The following PACSIN1 variants were observed in gnomAD, a reference collection of about 807,000 sequenced individuals.
PACSIN1 encodes the protein protein kinase C and casein kinase substrate in neurons 1, also known as protein kinase C and casein kinase substrate in neurons protein 1.
In PACSIN1, 15 loss-of-function variants were observed where a neutral mutation model predicts 59.5. The ratio of observed to expected loss-of-function variants is 0.25; its 90% CI spans 0.17 to 0.39. The LOEUF (loss-of-function observed/expected upper bound fraction) is 0.39. Among genes scored for constraint, PACSIN1 ranks in the 10% least tolerant of loss-of-function variants. The pLI, the probability that PACSIN1 is intolerant of heterozygous loss-of-function variation, is 1.00. For synonymous variants in PACSIN1, 210 were observed against 220.6 expected (o/e 0.95, Z 0.42); for missense variants, 420 against 580.2 (o/e 0.72, Z 2.84).
chr6:34,482,560 T>C (rs1190225169), intron 1 of PACSIN1, among the ~76,000 whole-genome samples: 1 of 152,262 alleles, frequency 6.6e-6, no homozygotes, highest in East Asian at 1.9e-4. Context: ...TGGGTTTTTA[T>C]GAATAATACT....
chr6:34,526,451 A>C, intron 2 of PACSIN1, 83 bp downstream of exon 2: 1 of 1,151,798 alleles, frequency 8.7e-7, no homozygotes, highest in Non-Finnish European at 1.3e-6. Flanking sequence ...TCACCCCATG[A>C]CCTCAGGCCC....
intron 1 of PACSIN1, among the ~76,000 whole-genome samples, chr6:34,468,866 G>T (rs1051584746): frequency 1.4e-5 from 2 of 147,746 alleles, no homozygotes; most frequent in African/African-American, 2.5e-5. Flanking sequence ...CCATGGCCTG[G>T]CACAGAGTAG....
chr6:34,530,552 G>T lies in PACSIN1; in HGVS notation c.1002G>T (p.Ala334=). Residue 334 remains alanine (A), a synonymous_variant, in exon 8 of 10, where the codon GCG becomes GCT. Coordinates refer to ENST00000244458, the MANE Select transcript of PACSIN1 (RefSeq NM_020804.5). The surrounding 1 kb of genome is among the most constrained non-coding windows in gnomAD (Gnocchi z 4.4). The part of the protein sequence containing the change: ...EGVALTNATG[A]VESTSQAGDR... ...TGGCGCTGACCAATGCCACTGGGGC[G>T]GTAGAGTCCACATCCCAGGCTGGGG... The T allele has an allele frequency of 6.2e-7, 1 of 1,602,830 alleles. No homozygotes were observed. Among genetic ancestry groups the T allele is most frequent in the Non-Finnish European group, 8.5e-7 (1 of 1,174,668 alleles).
intron 1 of PACSIN1, among the ~76,000 whole-genome samples, chr6:34,494,484 C>T (rs902696897): frequency 4.6e-5 from 7 of 152,050 alleles, no homozygotes; most frequent in African/African-American, 1.7e-4. Flanking sequence ...GCTGTGTTGC[C>T]CAGGCCTGAG....
At chr6:34,508,565 C>T (rs1359092299) in intron 1 of PACSIN1, among the ~76,000 whole-genome samples, 1 of 152,124 alleles carries the variant, frequency 6.6e-6, no homozygotes, top group African/African-American at 2.4e-5. Flanking sequence ...CTGTGCCCAG[C>T]CTATTTTTAA....
In PACSIN1 at chr6:34,515,444, G is replaced by A. The variant is rs1168828571; in HGVS notation, c.-63-10799G>A. ...AGGGTATGCGGCAGAGGGCAGGGAG[G>A]AGTAAGGATGCCCCTGCCCCACTCA... On this transcript the variant is annotated intron_variant, in intron 1 of 9. Coordinates refer to ENST00000244458, the MANE Select transcript of PACSIN1 (RefSeq NM_020804.5). The surrounding 1 kb of genome is among the most constrained non-coding windows in gnomAD (Gnocchi z 4.4). 3.9e-5 allele frequency among the ~76,000 whole-genome samples: 6 copies of A among 152,292 alleles called. No individual in the cohort carries two copies. The highest frequency in any genetic ancestry group is 1.2e-4 in the African/African-American group (5 of 41,562).
At chr6:34,527,700 C>G (rs933925998) in intron 3 of PACSIN1, 4 of 390,134 alleles carry the variant, frequency 1.0e-5, no homozygotes, top group Non-Finnish European at 1.8e-5. Flanking sequence ...AAAAAAAACA[C>G]TTTTTATCTT....
intron 1 of PACSIN1, among the ~76,000 whole-genome samples, chr6:34,501,872 T>G (rs552266945): frequency 1.3e-5 from 2 of 151,520 alleles, no homozygotes; most frequent in East Asian, 3.9e-4. Flanking sequence ...CTACTAAAAA[T>G]ACAAAAAAAA....
intron 1 of PACSIN1, 133 bp from the exon 2 acceptor site, chr6:34,526,110 T>G: frequency 5.2e-6 from 3 of 578,746 alleles, no homozygotes; most frequent in Non-Finnish European, 6.2e-6. Context: ...GGTGAGTTAG[T>G]CTCTGGACAG....
Position 34,513,658 on chromosome 6 carries a change from T to G in PACSIN1, c.-63-12585T>G, listed in dbSNP as rs554576547. On this transcript the variant is annotated intron_variant, in intron 1 of 9. Transcript: ENST00000244458. ...CAAGTACCGATGCTAGAGGGGTGAG[T>G]AGGGATATGTGTGAGCCCCCTAGGC... is the stretch of plus-strand genomic sequence containing the variant. Among the ~76,000 whole-genome samples, 5 of 151,412 alleles carry G rather than the reference T, an allele frequency of 3.3e-5. No homozygotes were observed. The East Asian group carries it at 9.7e-4, about 30-fold the overall frequency.
intron 1 of PACSIN1, among the ~76,000 whole-genome samples, chr6:34,508,606 T>C (rs1171741289): frequency 6.6e-6 from 1 of 152,152 alleles, no homozygotes; most frequent in African/African-American, 2.4e-5. Flanking sequence ...CTGTTTTTTA[T>C]AGCAGCTGCA....
chr6:34,529,578 G>A lies in PACSIN1; in HGVS notation c.612+26G>A. ...GTGCTGGCGGGCAGGGATGGCAGTA[G>A]GGGGTCTGGGGGCCCCTTGCAGAGG... On this transcript the variant is annotated intron_variant, in intron 5 of 9. Coordinates refer to ENST00000244458, the MANE Select transcript of PACSIN1 (RefSeq NM_020804.5). The surrounding 1 kb of genome is among the most constrained non-coding windows in gnomAD (Gnocchi z 6.3). 1 of 1,613,626 alleles carries A rather than the reference G, an allele frequency of 6.2e-7. No homozygotes were observed. Among genetic ancestry groups the A allele is most frequent in the Non-Finnish European group, 8.5e-7 (1 of 1,179,614 alleles).
intron 1 of PACSIN1, among the ~76,000 whole-genome samples, chr6:34,499,163 C>G (rs1561961980): frequency 1.3e-5 from 2 of 151,958 alleles, no homozygotes; most frequent in East Asian, 3.9e-4. Context: ...GAGACAGTGA[C>G]AGATCATCAG....
intron 1 of PACSIN1, among the ~76,000 whole-genome samples, chr6:34,481,602 G>A (rs1766720620): frequency 6.6e-6 from 1 of 151,770 alleles, no homozygotes; most frequent in African/African-American, 2.4e-5. Flanking sequence ...CCCGGGAGGT[G>A]GAGCTTGCAG....
chr6:34,491,250 C>T (rs969891476), intron 1 of PACSIN1, among the ~76,000 whole-genome samples: 2 of 152,118 alleles, frequency 1.3e-5, no homozygotes, highest in Non-Finnish European at 2.9e-5. Context: ...CTCAGCCTTG[C>T]GTTGTCTTTC....
At position 34,528,932 on chromosome 6, in the gene PACSIN1, G is replaced by T. The variant is rs540533288; in HGVS notation, c.456+55G>T. 2.5e-4 allele frequency: 338 copies of T among 1,370,622 alleles called. 1 individual carries two copies. In the Middle Eastern group the frequency reaches 2.8e-3, roughly 11 times the overall value. 84.9% of individuals were successfully genotyped at this position (1,370,622 alleles called of 1,614,324 possible). A position where few individuals can be genotyped will look rare whatever the true frequency, so the allele number is the denominator to read the frequency against. ...TGGGGTGGGCCCGTCTGATCAGAGG[G>T]TGCTGATCCCAGGGAGGGCATCTAT... On this transcript the variant is annotated intron_variant, in intron 4 of 9. Transcript: ENST00000244458.
chr6:34,495,057 T>C (rs1330909732), intron 1 of PACSIN1, among the ~76,000 whole-genome samples: 1 of 152,180 alleles, frequency 6.6e-6, no homozygotes, highest in South Asian at 2.1e-4. Context: ...TCCCTCCCTC[T>C]GCCAGCTCGC....
intron 1 of PACSIN1, among the ~76,000 whole-genome samples, chr6:34,510,155 A>G (rs573339862): frequency 1.2e-4 from 18 of 152,390 alleles, no homozygotes; most frequent in East Asian, 3.9e-4. Flanking sequence ...CGAAGCTTCT[A>G]TGAACATTCT....
intron 1 of PACSIN1, among the ~76,000 whole-genome samples, chr6:34,478,472 A>G (rs1581957944): frequency 6.9e-6 from 1 of 145,124 alleles, no homozygotes; most frequent in Non-Finnish European, 1.5e-5. Context: ...TCCTGGGTTC[A>G]AGTGATTCTC....
Sources: allele counts gnomAD v4.1 joint callset (sites outside exome capture counted in the v4.1 genomes callset), GRCh38; gene constraint gnomAD v4.1.1; non-coding constraint Gnocchi (gnomAD v3.1); transcripts MANE v1.5; gene names NCBI Gene and HGNC (gene_info 2026-07-23, HGNC 2026-07-21).